The following COPG2 variants were observed in gnomAD, a reference collection of about 807,000 sequenced individuals.
COPG2 encodes the protein coat protein complex I subunit gamma 2.
COPG2 carries 37 observed loss-of-function variants against 46.3 expected under a neutral mutation model. The ratio of observed to expected loss-of-function variants is 0.80; its 90% CI spans 0.61 to 1.05. The LOEUF is 1.05. COPG2 is among the 50% of genes least tolerant of loss of function. The probability of loss-of-function intolerance (pLI) is 0.00; values close to 1 mark genes in which losing one functional copy is unlikely to be tolerated. For missense variants in COPG2, 427 were observed against 387.8 expected (o/e 1.10, Z -0.85); for synonymous variants, 159 against 129.7 (o/e 1.23, Z -1.53).
chr7:130,605,209 C>T (rs1410113747), intron 9 of COPG2: 4 of 520,128 alleles, frequency 7.7e-6, no homozygotes, highest in Non-Finnish European at 1.5e-5. Context: ...AATTCACTAA[C>T]TCTCTTTGAC....
At chr7:130,643,303 A>C (rs1205004215) in intron 5 of COPG2, among the ~76,000 whole-genome samples, 1 of 151,958 alleles carries the variant, frequency 6.6e-6, no homozygotes, top group Non-Finnish European at 1.5e-5. Flanking sequence ...TCAAAAAAAA[A>C]AAAACCCACA....
At chr7:130,632,866 G>A (rs531935825) in intron 5 of COPG2, among the ~76,000 whole-genome samples, 9 of 152,070 alleles carry the variant, frequency 5.9e-5, no homozygotes, top group African/African-American at 2.2e-4. Flanking sequence ...TCTACATTAG[G>A]TACTTCTCCT....
intron 5 of COPG2, among the ~76,000 whole-genome samples, chr7:130,618,183 A>C (rs1467450763): frequency 2.0e-5 from 3 of 148,510 alleles, no homozygotes; most frequent in Non-Finnish European, 4.5e-5. Flanking sequence ...TCCCTGATGC[A>C]CTCTTTCTGG....
rs1795937128 is a variant in COPG2, at chr7:130,659,737, C to T, written c.243+3230G>A. Among the ~76,000 whole-genome samples the T allele has an allele frequency of 1.3e-5, 2 of 152,036 alleles. 1 individual carries two copies. The highest frequency in any genetic ancestry group is 4.1e-4 in the South Asian group (2 of 4,828). ...GACCATCCTGGCCAACATGATGAAACCCTGTCTCTACTAAAAATACAAAAA... is the reference window on the plus strand; with the variant it reads ...GACCATCCTGGCCAACATGATGAAATCCTGTCTCTACTAAAAATACAAAAA... On this transcript the variant is annotated intron_variant, in intron 4 of 23. Transcript: ENST00000425248.
chr7:130,512,933 G>A (rs1799618084), intron 20 of COPG2, among the ~76,000 whole-genome samples: 1 of 152,014 alleles, frequency 6.6e-6, no homozygotes, highest in Admixed American at 6.6e-5. Context: ...AAGAGAAGAT[G>A]GAGGCTGGAA....
intron 20 of COPG2, among the ~76,000 whole-genome samples, chr7:130,541,263 G>A (rs1381424192): frequency 6.6e-6 from 1 of 152,186 alleles, no homozygotes; most frequent in Non-Finnish European, 1.5e-5. Flanking sequence ...GAGGAGTGAG[G>A]CCTAGAGAAG....
intron 5 of COPG2, 130 bp downstream of exon 5, chr7:130,652,738 GA>G (rs1335988772): frequency 1.5e-6 from 1 of 658,946 alleles, no homozygotes; most frequent in African/African-American, 1.9e-5. Context: ...CTTCATTTTA[GA>G]AAAGAATGCT....
chr7:130,659,597 T>G (rs1238744278), intron 4 of COPG2, among the ~76,000 whole-genome samples: 1 of 152,058 alleles, frequency 6.6e-6, no homozygotes, highest in Non-Finnish European at 1.5e-5. Context: ...AACAAGCCAG[T>G]AAATCTTAAA....
In COPG2 at chr7:130,667,463, A is replaced by C. The variant is rs1181351939; in HGVS notation, c.90+19T>G. 1.9e-6 allele frequency: 3 copies of C among 1,608,858 alleles called. No homozygotes were observed. The highest frequency in any genetic ancestry group is 2.6e-6 in the Non-Finnish European group (3 of 1,175,610). On this transcript the variant is annotated intron_variant, in intron 2 of 23. Coordinates refer to ENST00000425248, the MANE Select transcript of COPG2 (RefSeq NM_012133.6). ...AACAGAATAGAAAAGAAAGGGCACA[A>C]GATACTTCCCAGTCATACCTCCTGT...
At position 130,645,068 on chromosome 7, in the gene COPG2, C is replaced by CAAAAAAA. The variant is rs59544911; in HGVS notation, c.323+7794_323+7800dup. 1.7e-4 allele frequency among the ~76,000 whole-genome samples: 19 copies of CAAAAAAA among 113,374 alleles called. 1 individual carries two copies. Among genetic ancestry groups the CAAAAAAA allele is most frequent in the Admixed American group, 3.6e-4 (4 of 10,982 alleles). 74.4% of individuals were successfully genotyped at this position (113,374 alleles called of 152,430 possible). On this transcript the variant is annotated intron_variant, in intron 5 of 23. Transcript: ENST00000425248. ...CAAGAGCGAGACTTCATCCCAAAAA[C>CAAAAAAA]AAAAAAAAAAAAAAAAAGAAAAGAA...
intron 20 of COPG2, among the ~76,000 whole-genome samples, chr7:130,531,252 T>C (rs981212815): frequency 2.6e-5 from 4 of 151,690 alleles, no homozygotes; most frequent in Non-Finnish European, 5.9e-5. Flanking sequence ...CCACTGTATT[T>C]AACTGATAGA....
chr7:130,520,551 G>C (rs1799715701), intron 20 of COPG2, among the ~76,000 whole-genome samples: 1 of 152,224 alleles, frequency 6.6e-6, no homozygotes. Context: ...ATCTGGTGCA[G>C]TGAGTTAGCA....
chr7:130,610,961 A>G lies in COPG2; in HGVS notation c.729T>C (p.Thr243=), dbSNP rs983139077. The change falls in exon 9 of 24, where the codon ACT becomes ACC. Residue 243 remains threonine (T), a synonymous_variant. Transcript: ENST00000425248. ...TAGGTGAAGACACTTACCCATCCTC[A>G]GTTTCTTTTAGTAAGCGACTGGCAA... The part of the protein sequence containing the change: ...IRIASRLLKE[T]EDGHESPLFD... 6.2e-7 allele frequency: 1 copy of G among 1,613,968 alleles called. No individual in the cohort carries two copies. Among genetic ancestry groups the G allele is most frequent in the Non-Finnish European group, 8.5e-7 (1 of 1,179,856 alleles).
At chr7:130,590,895 C>T (rs1227012371) in intron 9 of COPG2, among the ~76,000 whole-genome samples, 10 of 151,368 alleles carry the variant, frequency 6.6e-5, no homozygotes, top group African/African-American at 2.4e-4. Flanking sequence ...AGACCCTCTG[C>T]CTGGCAACCG....
At chr7:130,514,338 G>A (rs1485667447) in intron 20 of COPG2, among the ~76,000 whole-genome samples, 3 of 152,204 alleles carry the variant, frequency 2.0e-5, no homozygotes, top group Non-Finnish European at 2.9e-5. Context: ...CCCATCTCAA[G>A]GGTGAAACTT....
chr7:130,633,069 T>C lies in COPG2; in HGVS notation c.324-16004A>G, dbSNP rs553037969. Among the ~76,000 whole-genome samples, 359 of 152,334 alleles carry C rather than the reference T, an allele frequency of 2.4e-3. 1 individual carries two copies. The highest frequency in any genetic ancestry group is 0.01 in the Middle Eastern group (3 of 294). On this transcript the variant is annotated intron_variant, in intron 5 of 23. Transcript: ENST00000425248. ...TTTATCCATGTCCCTGCAAAGGACA[T>C]GAACTCATCCTTTTTTATGGCTGCA...
At chr7:130,511,635 TGGGCCAAAA>T (rs781906114) in intron 20 of COPG2, 3 of 517,046 alleles carry the variant, frequency 5.8e-6, no homozygotes, top group African/African-American at 1.9e-5. Context: ...ACAGCATTGC[TGGGCCAAAA>T]GTCATAAGAG....
intron 12 of COPG2, among the ~76,000 whole-genome samples, chr7:130,557,243 CATTT>C (rs1244616461): frequency 6.6e-6 from 1 of 151,880 alleles, no homozygotes; most frequent in Non-Finnish European, 1.5e-5. Context: ...GAATAAAAAA[CATTT>C]ATAATAGCAA....
At chr7:130,515,546 C>T (rs1799671740) in intron 20 of COPG2, among the ~76,000 whole-genome samples, 1 of 152,058 alleles carries the variant, frequency 6.6e-6, no homozygotes, top group African/African-American at 2.4e-5. Context: ...GGGGTAAGGC[C>T]CTGCAGCTTG....
Sources: gnomAD v4.1 joint callset for allele counts (sites outside exome capture counted in the v4.1 genomes callset) on GRCh38, gnomAD v4.1.1 for gene constraint, MANE v1.5 for transcripts, NCBI Gene and HGNC (gene_info 2026-07-23, HGNC 2026-07-21) for gene names.